ZNF280D: variants seen among roughly 807,000 people sequenced by gnomAD.
ZNF280D encodes the protein zinc finger protein 280D.
Under a neutral mutation model 94.7 loss-of-function variants are expected in ZNF280D, and 39 were observed. The ratio of observed to expected loss-of-function variants is 0.41; its 90% CI spans 0.32 to 0.54. The LOEUF is 0.54. Among genes scored for constraint, ZNF280D ranks in the 20% least tolerant of loss-of-function variants. ZNF280D has a pLI of 0.22. For synonymous variants in ZNF280D, 398 were observed against 377.6 expected, an observed-to-expected ratio of 1.05 and a Z score of -0.63; for missense variants, 1,090 against 1,149.3, an observed-to-expected ratio of 0.95 and a Z score of 0.75.
chr15:56,717,552 C>T (rs1249318344), intron 1 of ZNF280D, among the ~76,000 whole-genome samples: 5 of 151,714 alleles, frequency 3.3e-5, no homozygotes, highest in African/African-American at 4.8e-5. Context: ...ACTATGTTAT[C>T]GCCATTATAA....
intron 21 of ZNF280D, among the ~76,000 whole-genome samples, chr15:56,634,531 T>G (rs549491728): frequency 6.6e-6 from 1 of 152,014 alleles, no homozygotes; most frequent in African/African-American, 2.4e-5. Flanking sequence ...AATCCATAAC[T>G]TGCTTTTAGG....
intron 11 of ZNF280D, 22 bp from the exon 12 acceptor site, chr15:56,677,696 TATA>T (rs1423422859): frequency 1.8e-6 from 2 of 1,109,856 alleles, no homozygotes; most frequent in South Asian, 1.8e-5. Flanking sequence ...AGAGAAACAG[TATA>T]ATAATATTTA....
At chr15:56,671,779 T>G (rs1204324618) in intron 13 of ZNF280D, among the ~76,000 whole-genome samples, 1 of 152,206 alleles carries the variant, frequency 6.6e-6, no homozygotes, top group Non-Finnish European at 1.5e-5. Context: ...ATGGCCATTT[T>G]CATGATATTG....
At chr15:56,704,747 GAGAC>G (rs2057299114) in intron 3 of ZNF280D, among the ~76,000 whole-genome samples, 1 of 152,148 alleles carries the variant, frequency 6.6e-6, no homozygotes, top group African/African-American at 2.4e-5. Context: ...TTGGGAAGCC[GAGAC>G]AGACAGATTG....
chr15:56,654,358 T>G, intron 18 of ZNF280D, 27 bp downstream of exon 18: 9 of 1,596,368 alleles, frequency 5.6e-6, no homozygotes, highest in Non-Finnish European at 6.8e-6. Context: ...GTCAAAAATC[T>G]AAAGTAGCAC....
intron 13 of ZNF280D, among the ~76,000 whole-genome samples, chr15:56,673,477 A>G (rs2054999860): frequency 6.6e-6 from 1 of 152,072 alleles, no homozygotes; most frequent in Non-Finnish European, 1.5e-5. Flanking sequence ...GATTGCTACC[A>G]TACTGGCCCA....
intron 1 of ZNF280D, among the ~76,000 whole-genome samples, chr15:56,719,789 A>G (rs1387948825): frequency 1.3e-5 from 2 of 151,918 alleles, no homozygotes; most frequent in African/African-American, 2.4e-5. Context: ...CTCAGTGAAT[A>G]TAAAAGTTAG....
At chr15:56,695,612 C>A (rs2056701736) in intron 6 of ZNF280D, among the ~76,000 whole-genome samples, 1 of 149,076 alleles carries the variant, frequency 6.7e-6, no homozygotes, top group Non-Finnish European at 1.5e-5. Flanking sequence ...TCACTGCAAC[C>A]TCCACCTCCT....
chr15:56,646,941 G>C (rs16977028), intron 19 of ZNF280D, among the ~76,000 whole-genome samples: 2,791 of 152,238 alleles, frequency 0.018, 80 homozygotes, highest in African/African-American at 0.063. Flanking sequence ...AAAAAGCAAA[G>C]AAGTATGAAA....
At chr15:56,655,712 G>C (rs1450637294) in intron 17 of ZNF280D, among the ~76,000 whole-genome samples, 1 of 152,200 alleles carries the variant, frequency 6.6e-6, no homozygotes, top group Admixed American at 6.5e-5. Context: ...AATGCATTTA[G>C]ACTTGTGTGA....
In ZNF280D at chr15:56,693,142, G is replaced by A; in HGVS notation, c.455C>T (p.Thr152Ile). 1 of 1,606,182 alleles carries A rather than the reference G, an allele frequency of 6.2e-7. No individual in the cohort carries two copies. The highest frequency in any genetic ancestry group is 8.5e-7 in the Non-Finnish European group (1 of 1,176,406). Residue 152 changes from threonine (T) to isoleucine (I), a missense_variant, in exon 7 of 22, where the codon ACA becomes ATA. Thr to Ile is a moderately conservative substitution (Grantham distance 89). Around this residue, in one of 3 missense-constraint regions of ZNF280D, gnomAD observed 386 missense variants for 372.0 expected, o/e 1.04. Transcript: ENST00000267807. ...SELLFDLTQD[T>I]GLSHYQGGPT... ...TCCCCCTTGGTAATGTGATAATCCT[G>A]TATCCTGGGTCAAGTCAAACAGTAA...
chr15:56,642,977 GC>G lies in ZNF280D; in HGVS notation c.2233del (p.Ala745GlnfsTer59). 1 of 1,507,434 alleles carries G rather than the reference GC, an allele frequency of 6.6e-7. No individual in the cohort carries two copies. 93.4% of individuals were successfully genotyped at this position (1,507,434 alleles called of 1,614,324 possible). On this transcript the variant is annotated frameshift_variant, in exon 20 of 22. Coordinates refer to ENST00000267807, the MANE Select transcript of ZNF280D (RefSeq NM_017661.4). LOFTEE classifies it high-confidence loss of function. ...HLSELKKEAP[A>X]KEQEPVSKEI... ...CTTAGACACAGGTTCTTGTTCCTTTGCGGGAGCTTCTTTTTTTAATCTTGAA... is the reference window on the plus strand; with the variant it reads ...CTTAGACACAGGTTCTTGTTCCTTTGGGGAGCTTCTTTTTTTAATCTTGAA...
intron 9 of ZNF280D, among the ~76,000 whole-genome samples, chr15:56,688,448 C>T (rs2141058751): frequency 6.8e-6 from 1 of 147,044 alleles, no homozygotes; most frequent in Admixed American, 6.9e-5. Flanking sequence ...CAGAGATCTG[C>T]CACTGCACTC....
At chr15:56,689,778 C>G (rs1871860) in intron 7 of ZNF280D, among the ~76,000 whole-genome samples, 1 of 149,994 alleles carries the variant, frequency 6.7e-6, no homozygotes. Flanking sequence ...TATTCCAAGC[C>G]AAAAAAAAAA....
intron 13 of ZNF280D, among the ~76,000 whole-genome samples, chr15:56,669,944 ATATATTATATATATATAT>A (rs2054669141): frequency 1.9e-4 from 1 of 5,196 alleles, no homozygotes; most frequent in African/African-American, 6.7e-4. Flanking sequence ...TATTATATAT[ATATATTATATATATATAT>A]TATATATATA....
intron 19 of ZNF280D, among the ~76,000 whole-genome samples, chr15:56,652,308 A>AT: frequency 2.0e-5 from 3 of 152,168 alleles, no homozygotes; most frequent in African/African-American, 7.2e-5. Flanking sequence ...TTTAAAATTT[A>AT]AGAAATTAGT....
rs1491554667 is a variant in ZNF280D, at chr15:56,669,887, ATT to A, written c.1411-932_1411-931del. ...ATATATATATTTTATATATATATATATTATATATATATATAATATATATATAT... is the reference window on the plus strand; with the variant it reads ...ATATATATATTTTATATATATATATAATATATATATATAATATATATATAT... On this transcript the variant is annotated intron_variant, in intron 13 of 21. Coordinates refer to ENST00000267807, the MANE Select transcript of ZNF280D (RefSeq NM_017661.4). 7.5e-4 allele frequency among the ~76,000 whole-genome samples: 4 copies of A among 5,316 alleles called. 1 individual carries two copies. Among genetic ancestry groups the A allele is most frequent in the Non-Finnish European group, 1.4e-3 (3 of 2,182 alleles). The allele number at this position is 5,316 out of a possible 152,430, so 3.5% of individuals were successfully genotyped here.
chr15:56,733,147 A>C (rs1446457117), intron 1 of ZNF280D: 1 of 152,952 alleles, frequency 6.5e-6, no homozygotes, highest in Non-Finnish European at 1.5e-5. Flanking sequence ...GGGGACAAAC[A>C]GGCGCACACG....
At chr15:56,679,524 T>C (rs1364486776) in intron 10 of ZNF280D, among the ~76,000 whole-genome samples, 2 of 152,240 alleles carry the variant, frequency 1.3e-5, no homozygotes, top group Admixed American at 6.5e-5. Context: ...TACATTCTGC[T>C]ACTTCAGCTT....
Sources: gnomAD v4.1 joint callset for allele counts (sites outside exome capture counted in the v4.1 genomes callset) on GRCh38, gnomAD v4.1.1 for gene constraint, gnomAD v4.1.1 regional missense constraint, MANE v1.5 for transcripts, NCBI Gene and HGNC (gene_info 2026-07-23, HGNC 2026-07-21) for gene names.